The following RANBP2 variants were observed in gnomAD, a reference collection of about 807,000 sequenced individuals.
RANBP2 encodes RAN binding protein 2.
A neutral mutation model predicts 303.6 loss-of-function variants in RANBP2; 57 were observed. The ratio of observed to expected loss-of-function variants is 0.19; its 90% CI spans 0.15 to 0.23. The LOEUF is 0.23. RANBP2 is among the 10% of genes least tolerant of loss of function. The pLI, the probability that RANBP2 is intolerant of heterozygous loss-of-function variation, is 1.00. For synonymous variants in RANBP2, 1,167 were observed against 1,301.5 expected (o/e 0.90, Z 2.23); for missense variants, 3,138 against 3,780.8 (o/e 0.83, Z 4.46).
At chr2:109,134,223 A>G in the RANBP2 span, among the ~76,000 whole-genome samples, 1 of 152,196 alleles carries the variant, frequency 6.6e-6, no homozygotes, top group African/African-American at 2.4e-5. Flanking sequence ...TCAGAGAGCT[A>G]GGAAGTGATT....
At chr2:109,464,790 C>T in the RANBP2 span, among the ~76,000 whole-genome samples, 1 of 152,226 alleles carries the variant, frequency 6.6e-6, no homozygotes, top group Admixed American at 6.5e-5. Flanking sequence ...GTACATGTGT[C>T]AGGACTGATG....
intron 6 of RANBP2, among the ~76,000 whole-genome samples, chr2:108,738,083 C>CT (rs1046517409): frequency 0.014 from 1,965 of 137,776 alleles, 46 homozygotes; most frequent in African/African-American, 0.05. Context: ...TGGTCTCAAT[C>CT]TTTTTTTTTT....
At chr2:108,967,760 G>A in the RANBP2 span, among the ~76,000 whole-genome samples, 3 of 152,084 alleles carry the variant, frequency 2.0e-5, no homozygotes, top group African/African-American at 7.2e-5. Context: ...CTAGACGGTG[G>A]ATTTCTGCTT....
chr2:109,371,751 C>A, the RANBP2 span: 1 of 1,356,596 alleles, frequency 7.4e-7, no homozygotes. Context: ...GTGGGGTCAC[C>A]TGACCTTCAA....
the RANBP2 span, among the ~76,000 whole-genome samples, chr2:108,893,820 G>C: frequency 6.6e-6 from 1 of 152,068 alleles, no homozygotes; most frequent in South Asian, 2.1e-4. Flanking sequence ...TGTAGCCAAG[G>C]ATAATTGTCT....
At chr2:109,627,615 TA>T in the RANBP2 span, among the ~76,000 whole-genome samples, 3 of 152,176 alleles carry the variant, frequency 2.0e-5, no homozygotes, top group African/African-American at 7.2e-5. Context: ...CAGAACAAGA[TA>T]GGAAACATCA....
At chr2:109,274,732 T>G in the RANBP2 span, among the ~76,000 whole-genome samples, 12 of 152,342 alleles carry the variant, frequency 7.9e-5, no homozygotes, top group Middle Eastern at 3.4e-3. Flanking sequence ...ACATTGTGAA[T>G]GTAGTAAATG....
chr2:109,249,069 C>A, the RANBP2 span, among the ~76,000 whole-genome samples: 1 of 151,980 alleles, frequency 6.6e-6, no homozygotes, highest in East Asian at 1.9e-4. Flanking sequence ...TGTGTAGAGA[C>A]CACAGCTCAC....
At chr2:108,752,447 C>T (rs556890401) in intron 12 of RANBP2, among the ~76,000 whole-genome samples, 62 of 151,750 alleles carry the variant, frequency 4.1e-4, no homozygotes, top group Non-Finnish European at 6.5e-4. Context: ...TGGATTGCTA[C>T]GTTAGGATGG....
chr2:109,556,667 T>C, the RANBP2 span, among the ~76,000 whole-genome samples: 1 of 152,156 alleles, frequency 6.6e-6, no homozygotes, highest in Non-Finnish European at 1.5e-5. Flanking sequence ...TCTTTTTTTT[T>C]AAAGAAGCCC....
the RANBP2 span, among the ~76,000 whole-genome samples, chr2:109,238,316 T>G: frequency 6.6e-6 from 1 of 152,248 alleles, no homozygotes; most frequent in Non-Finnish European, 1.5e-5. Flanking sequence ...ACTGTATTTT[T>G]AAAAATCTTA....
the RANBP2 span, among the ~76,000 whole-genome samples, chr2:109,303,592 A>C: frequency 6.6e-6 from 1 of 152,192 alleles, no homozygotes; most frequent in Admixed American, 6.5e-5. Flanking sequence ...GGGACGGGAG[A>C]GGGCCGCCAC....
chr2:109,262,117 G>A, the RANBP2 span, among the ~76,000 whole-genome samples: 1 of 152,204 alleles, frequency 6.6e-6, no homozygotes, highest in African/African-American at 2.4e-5. Flanking sequence ...CCTCAGGGCA[G>A]GAAAGCCCTG....
chr2:108,803,434 A>G, the RANBP2 span, among the ~76,000 whole-genome samples: 2 of 152,090 alleles, frequency 1.3e-5, no homozygotes, highest in Admixed American at 1.3e-4. Flanking sequence ...GTGGAAATTA[A>G]AAAAAAATTT....
chr2:109,369,624 C>T, the RANBP2 span, among the ~76,000 whole-genome samples: 1 of 152,106 alleles, frequency 6.6e-6, no homozygotes, highest in East Asian at 1.9e-4. Context: ...CTCTGGTGGC[C>T]CCCACGCTCT....
At chr2:108,965,291 C>T in the RANBP2 span, among the ~76,000 whole-genome samples, 1 of 152,062 alleles carries the variant, frequency 6.6e-6, no homozygotes, top group African/African-American at 2.4e-5. Flanking sequence ...TCCTGGCTAA[C>T]ATGGTGAAAC....
chr2:109,689,566 G>T, the RANBP2 span, among the ~76,000 whole-genome samples: 1 of 152,192 alleles, frequency 6.6e-6, no homozygotes. Flanking sequence ...TTTGCAAGGA[G>T]CTGTAGCATA....
chr2:109,474,355 T>A, the RANBP2 span, among the ~76,000 whole-genome samples: 31 of 152,110 alleles, frequency 2.0e-4, no homozygotes, highest in African/African-American at 7.5e-4. Context: ...CTGTGAGCCA[T>A]TTGGGCTGTA....
chr2:109,690,314 G>T, the RANBP2 span, among the ~76,000 whole-genome samples: 1 of 152,196 alleles, frequency 6.6e-6, no homozygotes, highest in Non-Finnish European at 1.5e-5. Flanking sequence ...GCAAAGGCGG[G>T]ACAACTCAAA....
Sources: gnomAD v4.1 joint callset for allele counts (sites outside exome capture counted in the v4.1 genomes callset) on GRCh38, gnomAD v4.1.1 for gene constraint, MANE v1.5 for transcripts, NCBI Gene and HGNC (gene_info 2026-07-23, HGNC 2026-07-21) for gene names.